TRAPPC8: variants seen among roughly 807,000 people sequenced by gnomAD.
The protein encoded by TRAPPC8 is general sporulation gene 1 homolog.
TRAPPC8 carries 54 observed loss-of-function variants against 174.3 expected under a neutral mutation model. The ratio of observed to expected loss-of-function variants is 0.31; its 90% CI spans 0.25 to 0.39. The LOEUF (loss-of-function observed/expected upper bound fraction) is 0.39, where lower values mean the gene tolerates loss of function less well. TRAPPC8 is among the 10% of genes least tolerant of loss of function. The probability of loss-of-function intolerance (pLI) is 1.00; values close to 1 mark genes in which losing one functional copy is unlikely to be tolerated. For missense variants in TRAPPC8, 1,531 were observed against 1,699.1 expected, an observed-to-expected ratio of 0.90 and a Z score of 1.74; for synonymous variants, 630 against 579.9, an observed-to-expected ratio of 1.09 and a Z score of -1.24.
At chr18:31,834,312 G>A (rs188475501) in intron 27 of TRAPPC8, among the ~76,000 whole-genome samples, 1 of 152,120 alleles carries the variant, frequency 6.6e-6, no homozygotes, top group African/African-American at 2.4e-5. Flanking sequence ...GTTTCACCAT[G>A]TTGACTAGGC....
At chr18:31,896,164 G>T (rs1354192684) in intron 11 of TRAPPC8, 2 of 152,146 alleles carry the variant, frequency 1.3e-5, no homozygotes, top group Non-Finnish European at 2.9e-5. Flanking sequence ...GGTGTATTAG[G>T]AAAGACTATC....
intron 2 of TRAPPC8, among the ~76,000 whole-genome samples, chr18:31,928,279 G>A (rs766479504): frequency 1.6e-4 from 24 of 151,454 alleles, no homozygotes; most frequent in African/African-American, 7.3e-5. Context: ...TACGAGGATC[G>A]CTTGAGGCCA....
rs113613252 is a variant in TRAPPC8, at chr18:31,904,236, C to CAA, written c.1390-3213_1390-3212dup. ...GGGCAACAGAGCAAGACCTTGCCTC[C>CAA]AAAAAAAAAAAAAAAGAAAAAAGAA... is the stretch of plus-strand genomic sequence containing the variant. On this transcript the variant is annotated intron_variant, in intron 9 of 28. Transcript: ENST00000283351. Among the ~76,000 whole-genome samples the CAA allele has an allele frequency of 7.2e-3, 661 of 92,170 alleles. 4 individuals carry two copies. The highest frequency in any genetic ancestry group is 0.021 in the African/African-American group (549 of 26,554). 60.5% of individuals were successfully genotyped at this position (92,170 alleles called of 152,430 possible).
At chr18:31,878,808 A>G (rs569925213) in intron 12 of TRAPPC8, among the ~76,000 whole-genome samples, 1 of 152,334 alleles carries the variant, frequency 6.6e-6, no homozygotes, top group East Asian at 1.9e-4. Context: ...GAAAACAAAA[A>G]AGAGCAGGGG....
chr18:31,845,476 T>TA (rs1210105386), intron 26 of TRAPPC8, among the ~76,000 whole-genome samples: 1 of 151,870 alleles, frequency 6.6e-6, no homozygotes, highest in Non-Finnish European at 1.5e-5. Context: ...TTTTTTTTTT[T>TA]AATGTAAGAG....
At chr18:31,843,789 A>C (rs1027701353) in intron 26 of TRAPPC8, among the ~76,000 whole-genome samples, 2 of 152,230 alleles carry the variant, frequency 1.3e-5, no homozygotes, top group African/African-American at 4.8e-5. Context: ...AGACGGAACA[A>C]TGTGAAAACT....
At position 31,881,513 on chromosome 18, in the gene TRAPPC8, AAAGAT is replaced by A. The variant is rs780148240; in HGVS notation, c.1729-6814_1729-6810del. 1.5e-4 allele frequency among the ~76,000 whole-genome samples: 23 copies of A among 152,294 alleles called. No individual in the cohort carries two copies. The East Asian group carries it at 4.0e-3, about 27-fold the overall frequency. ...TTAACTGGAGATGGATTAAAGACTTAAAGATAAGACCTCAAAGTATAAAAAAATCC... is the reference window on the plus strand; with the variant it reads ...TTAACTGGAGATGGATTAAAGACTTAAAGACCTCAAAGTATAAAAAAATCC... On this transcript the variant is annotated intron_variant, in intron 12 of 28. Transcript: ENST00000283351.
In TRAPPC8 at chr18:31,852,478, T is replaced by C; in HGVS notation, c.3529A>G (p.Thr1177Ala). 7 of 1,614,188 alleles carry C rather than the reference T, an allele frequency of 4.3e-6. No homozygotes were observed. Among genetic ancestry groups the C allele is most frequent in the Non-Finnish European group, 5.9e-6 (7 of 1,180,038 alleles). ...EAATQSSEKYTFADIIFGNEQ... is the reference protein window; with the variant it reads ...EAATQSSEKYAFADIIFGNEQ... Reference sequence around the variant, plus strand: ...TTTCCAAAGATGATATCTGCAAAGGTATATTTTTCAGAGGACTGTGTGGCC... The same window carrying C: ...TTTCCAAAGATGATATCTGCAAAGGCATATTTTTCAGAGGACTGTGTGGCC... Residue 1177 changes from threonine (T) to alanine (A), a missense_variant, in exon 24 of 29, where the codon ACC becomes GCC. Transcript: ENST00000283351.
chr18:31,904,002 AAGGCAGGG>A, intron 9 of TRAPPC8, among the ~76,000 whole-genome samples: 1 of 152,296 alleles, frequency 6.6e-6, no homozygotes, highest in East Asian at 1.9e-4. Flanking sequence ...TTGGGAGGCC[AAGGCAGGG>A]AGAATGCTTG....
chr18:31,871,792 C>T (rs1399464376), intron 14 of TRAPPC8, among the ~76,000 whole-genome samples: 1 of 151,986 alleles, frequency 6.6e-6, no homozygotes, highest in Non-Finnish European at 1.5e-5. Context: ...AATTAATCCT[C>T]TATTAGGAAT....
At chr18:31,912,660 C>CA (rs199675531) in intron 5 of TRAPPC8, among the ~76,000 whole-genome samples, 35 of 147,828 alleles carry the variant, frequency 2.4e-4, no homozygotes, top group South Asian at 8.6e-4. Context: ...CACTCTGTTT[C>CA]AAAAAAAAAG....
chr18:31,931,436 G>C lies in TRAPPC8; in HGVS notation c.245C>G (p.Pro82Arg), dbSNP rs775594056. 1.2e-6 allele frequency: 2 copies of C among 1,613,468 alleles called. No individual in the cohort carries two copies. The highest frequency in any genetic ancestry group is 8.5e-7 in the Non-Finnish European group (1 of 1,179,746). Residue 82 changes from proline (P) to arginine (R), a missense_variant, in exon 2 of 29, where the codon CCT (proline) becomes CGT (arginine). Transcript: ENST00000283351. ...ATTCAAAAGCTTCCGGATGGCTCCA[G>C]GCTGAGGTGGCTGGGTGACAATGTT... ...VSNIVTQPPQ[P>R]GAIRKLLNDV...
chr18:31,935,348 A>C (rs2038038485), intron 1 of TRAPPC8, among the ~76,000 whole-genome samples: 1 of 43,304 alleles, frequency 2.3e-5, no homozygotes. Context: ...CCTCAAAAAC[A>C]AACAAACAAA....
intron 14 of TRAPPC8, 138 bp from the exon 15 acceptor site, chr18:31,871,258 A>G (rs1295409710): frequency 6.6e-5 from 30 of 454,278 alleles, no homozygotes; most frequent in Non-Finnish European, 1.0e-4. Flanking sequence ...CTGAGTGAAA[A>G]ATATCCTCTC....
chr18:31,937,069 C>A (rs1461948296), intron 1 of TRAPPC8, among the ~76,000 whole-genome samples: 1 of 151,982 alleles, frequency 6.6e-6, no homozygotes, highest in South Asian at 2.1e-4. Flanking sequence ...AAAAAATTAG[C>A]CAGGCGTGGT....
chr18:31,902,886 A>G (rs1158790743), intron 9 of TRAPPC8, among the ~76,000 whole-genome samples: 1 of 151,994 alleles, frequency 6.6e-6, no homozygotes, highest in Non-Finnish European at 1.5e-5. Flanking sequence ...CATCTCTACT[A>G]AAAATACAAA....
At chr18:31,925,375 T>C (rs1008868707) in intron 2 of TRAPPC8, among the ~76,000 whole-genome samples, 3 of 150,066 alleles carry the variant, frequency 2.0e-5, no homozygotes, top group Non-Finnish European at 3.0e-5. Context: ...GAGAAGAAAA[T>C]AGCTCCAAAA....
At chr18:31,937,127 T>A (rs2038140445) in intron 1 of TRAPPC8, among the ~76,000 whole-genome samples, 1 of 151,814 alleles carries the variant, frequency 6.6e-6, no homozygotes, top group South Asian at 2.1e-4. Context: ...GGCAGGAGAA[T>A]GGAGTGAACC....
intron 12 of TRAPPC8, among the ~76,000 whole-genome samples, chr18:31,879,251 A>T (rs1233063670): frequency 6.6e-6 from 1 of 152,200 alleles, no homozygotes; most frequent in Non-Finnish European, 1.5e-5. Flanking sequence ...AAAAAATTTT[A>T]AAAAGTCAAA....
Sources: gnomAD v4.1 joint callset for allele counts (sites outside exome capture counted in the v4.1 genomes callset) on GRCh38, gnomAD v4.1.1 for gene constraint, MANE v1.5 for transcripts, NCBI Gene and HGNC (gene_info 2026-07-23, HGNC 2026-07-21) for gene names.